Variants in RANBP2 observed in about 807,000 individuals in gnomAD.
The protein encoded by RANBP2 is RAN binding protein 2.
A neutral mutation model predicts 303.6 loss-of-function variants in RANBP2; 57 were observed. The ratio of observed to expected loss-of-function variants is 0.19; its 90% CI spans 0.15 to 0.23. The LOEUF is 0.23. Among genes scored for constraint, RANBP2 ranks in the 10% least tolerant of loss-of-function variants. The pLI is 1.00. For synonymous variants in RANBP2, 1,167 were observed against 1,301.5 expected, an observed-to-expected ratio of 0.90 and a Z score of 2.23; for missense variants, 3,138 against 3,780.8, an observed-to-expected ratio of 0.83 and a Z score of 4.46.
chr2:109,084,534 C>T, the RANBP2 span, among the ~76,000 whole-genome samples: 2 of 152,160 alleles, frequency 1.3e-5, no homozygotes, highest in African/African-American at 4.8e-5. Flanking sequence ...GGCCCAAGAC[C>T]AGGTTGATGT....
At chr2:109,724,611 C>T in the RANBP2 span, among the ~76,000 whole-genome samples, 7 of 152,230 alleles carry the variant, frequency 4.6e-5, no homozygotes, top group East Asian at 1.9e-4. Context: ...CCCAAGGGTG[C>T]GCCTTGTACC....
chr2:109,593,230 C>A, the RANBP2 span: 2 of 649,058 alleles, frequency 3.1e-6, no homozygotes, highest in Non-Finnish European at 2.4e-6. Flanking sequence ...GTTGTTATCA[C>A]CAAGTTTTGA....
At chr2:109,231,664 T>C in the RANBP2 span, among the ~76,000 whole-genome samples, 8 of 152,326 alleles carry the variant, frequency 5.3e-5, no homozygotes, top group African/African-American at 1.9e-4. Context: ...ATACTAACAT[T>C]AGCCTAAGTA....
chr2:109,706,146 C>T, the RANBP2 span, among the ~76,000 whole-genome samples: 4 of 152,234 alleles, frequency 2.6e-5, no homozygotes, highest in Non-Finnish European at 5.9e-5. Flanking sequence ...CTGGGGCTTC[C>T]TGTCTGTTCT....
chr2:109,417,604 A>T, the RANBP2 span, among the ~76,000 whole-genome samples: 2 of 152,066 alleles, frequency 1.3e-5, no homozygotes, highest in Non-Finnish European at 2.9e-5. Context: ...GATCCTTTGA[A>T]AATCAAAGGT....
the RANBP2 span, among the ~76,000 whole-genome samples, chr2:109,530,716 T>C: frequency 6.6e-6 from 1 of 152,138 alleles, no homozygotes; most frequent in African/African-American, 2.4e-5. Context: ...CACTGAAAAT[T>C]GAATTATTTT....
chr2:108,923,563 G>A, the RANBP2 span: 1 of 949,738 alleles, frequency 1.1e-6, no homozygotes, highest in African/African-American at 1.6e-5. Context: ...ATCAAGTCGG[G>A]CATGAGGCCA....
At chr2:109,599,748 G>A in the RANBP2 span, among the ~76,000 whole-genome samples, 5 of 152,088 alleles carry the variant, frequency 3.3e-5, no homozygotes, top group South Asian at 2.1e-4. Flanking sequence ...AGAGTTAAGA[G>A]TCTCAAGCTT....
the RANBP2 span, among the ~76,000 whole-genome samples, chr2:109,353,668 T>C: frequency 2.0e-5 from 3 of 152,204 alleles, no homozygotes; most frequent in African/African-American, 7.2e-5. Flanking sequence ...ACTCTTCAGA[T>C]GTTTATCAAC....
At chr2:109,541,713 T>C in the RANBP2 span, among the ~76,000 whole-genome samples, 3 of 152,224 alleles carry the variant, frequency 2.0e-5, no homozygotes, top group Admixed American at 6.5e-5. Flanking sequence ...AATGCCTCCT[T>C]CTTTCATACT....
At chr2:109,409,449 A>G in the RANBP2 span, among the ~76,000 whole-genome samples, 1 of 152,216 alleles carries the variant, frequency 6.6e-6, no homozygotes, top group Non-Finnish European at 1.5e-5. Context: ...TTTATTCACA[A>G]AAGCAGAACA....
At chr2:108,978,736 C>T in the RANBP2 span, among the ~76,000 whole-genome samples, 6 of 152,104 alleles carry the variant, frequency 3.9e-5, no homozygotes, top group South Asian at 2.1e-4. Context: ...TGCCCAACCC[C>T]GTGCAGGTTT....
At chr2:108,996,052 A>G in the RANBP2 span, among the ~76,000 whole-genome samples, 2 of 152,200 alleles carry the variant, frequency 1.3e-5, no homozygotes, top group African/African-American at 4.8e-5. Flanking sequence ...GCTTTATGGC[A>G]ATTTTAGCTT....
the RANBP2 span, among the ~76,000 whole-genome samples, chr2:109,290,494 T>G: frequency 6.6e-6 from 1 of 152,224 alleles, no homozygotes; most frequent in African/African-American, 2.4e-5. Context: ...GCGCCCAACT[T>G]CTATTTTCCT....
the RANBP2 span, among the ~76,000 whole-genome samples, chr2:108,989,825 A>C: frequency 3.5e-5 from 5 of 142,806 alleles, no homozygotes; most frequent in Non-Finnish European, 3.1e-5. Context: ...TGGGGGGGGG[A>C]AAACAGCCTT....
Position 108,775,765 on chromosome 2 carries a change from G to T in RANBP2, c.8326G>T (p.Asp2776Tyr). ...SQTEEITSTT[D>Y]SVYTGGTEVM... ...GACAGAAGAAATAACTAGCACAACT[G>T]ACAGTGTATATACAGGTGGGACTGA... Residue 2776 changes from aspartate to tyrosine, a missense_variant, in exon 24 of 29, where the codon GAC (aspartate) becomes TAC (tyrosine). Asp to Tyr is a radical substitution (Grantham distance 160, BLOSUM62 -3). Transcript: ENST00000283195. 1 of 1,613,788 alleles carries T rather than the reference G, an allele frequency of 6.2e-7. No homozygotes were observed. Among genetic ancestry groups the T allele is most frequent in the African/African-American group, 1.3e-5 (1 of 75,048 alleles).
the RANBP2 span, among the ~76,000 whole-genome samples, chr2:109,628,694 T>C: frequency 2.0e-5 from 3 of 152,110 alleles, no homozygotes; most frequent in African/African-American, 7.2e-5. Context: ...TGCTTGCTTA[T>C]GTATATTCCA....
At chr2:109,799,233 A>G in the RANBP2 span, among the ~76,000 whole-genome samples, 1 of 132,422 alleles carries the variant, frequency 7.6e-6, no homozygotes. Context: ...GCAAGACTCC[A>G]TCTCAAAAAA....
At chr2:108,827,400 A>G in the RANBP2 span, among the ~76,000 whole-genome samples, 27 of 152,242 alleles carry the variant, frequency 1.8e-4, no homozygotes, top group Non-Finnish European at 2.9e-4. Context: ...AATGTAGAAA[A>G]CTACAAATTT....
Sources: allele counts gnomAD v4.1 joint callset (sites outside exome capture counted in the v4.1 genomes callset), GRCh38; gene constraint gnomAD v4.1.1; transcripts MANE v1.5; gene names NCBI Gene and HGNC (gene_info 2026-07-23, HGNC 2026-07-21).